Variants in BDNF observed in about 807,000 individuals in gnomAD.
BDNF encodes the protein neurotrophic factor BDNF precursor form.
Under a neutral mutation model 19.5 loss-of-function variants are expected in BDNF, and 1 was observed. That is an observed-to-expected ratio of 0.05 (90% CI 0.02 to 0.24). The LOEUF is 0.24. Ranked by LOEUF, BDNF falls within the 10% of genes least tolerant of loss-of-function variation. The pLI, the probability that BDNF is intolerant of heterozygous loss-of-function variation, is 1.00. For synonymous variants in BDNF, 100 were observed against 121.6 expected, an observed-to-expected ratio of 0.82 and a Z score of 1.17; for missense variants, 195 against 317.6, an observed-to-expected ratio of 0.61 and a Z score of 2.93.
At chr11:27,696,015 TC>T (rs1858950095) in intron 1 of BDNF, among the ~76,000 whole-genome samples, 1 of 152,034 alleles carries the variant, frequency 6.6e-6, no homozygotes, top group African/African-American at 2.4e-5. Context: ...CCCCCTCCTC[TC>T]CCCTGCAAAA....
At chr11:27,699,460 G>A (rs1564988118) in intron 1 of BDNF, 5 of 1,613,974 alleles carry the variant, frequency 3.1e-6, no homozygotes, top group Non-Finnish European at 3.4e-6. Flanking sequence ...ACCACTCCCC[G>A]AAAGTCAAAA....
At chr11:27,695,908 T>A (rs1858932929) in intron 1 of BDNF, among the ~76,000 whole-genome samples, 1 of 152,094 alleles carries the variant, frequency 6.6e-6, no homozygotes. Context: ...TTAATTTAAA[T>A]GAAAGCTTCC....
intron 1 of BDNF, chr11:27,720,464 G>C: frequency 2.0e-6 from 2 of 985,778 alleles, no homozygotes; most frequent in Non-Finnish European, 2.4e-6. Context: ...AGCCTACACC[G>C]CTAGGAAGCC....
chr11:27,669,934 A>G (rs1210339188), intron 1 of BDNF, among the ~76,000 whole-genome samples: 1 of 152,266 alleles, frequency 6.6e-6, no homozygotes, highest in Admixed American at 6.5e-5. Flanking sequence ...GAACCAAAAA[A>G]GAGCCCGCAT....
intron 1 of BDNF, among the ~76,000 whole-genome samples, chr11:27,672,004 C>T (rs1855461840): frequency 6.6e-6 from 1 of 152,196 alleles, no homozygotes; most frequent in African/African-American, 2.4e-5. Context: ...TACCTGTCAT[C>T]TTTCCTCTTT....
At chr11:27,669,036 C>A (rs967486906) in intron 1 of BDNF, among the ~76,000 whole-genome samples, 2 of 152,166 alleles carry the variant, frequency 1.3e-5, no homozygotes, top group African/African-American at 4.8e-5. Context: ...CCGAATCCAG[C>A]AGAACATCAA....
chr11:27,719,053 G>T (rs1175163668), intron 1 of BDNF, among the ~76,000 whole-genome samples: 2 of 152,148 alleles, frequency 1.3e-5, no homozygotes, highest in African/African-American at 4.8e-5. Context: ...CCCCGCCCAG[G>T]GGCGCCTAAG....
chr11:27,661,430 T>A (rs1320186959), intron 1 of BDNF, among the ~76,000 whole-genome samples: 1 of 152,230 alleles, frequency 6.6e-6, no homozygotes, highest in Non-Finnish European at 1.5e-5. Flanking sequence ...TCAGTAAAGA[T>A]GTCCTGTTAA....
At chr11:27,678,130 T>A (rs1856418574) in intron 1 of BDNF, among the ~76,000 whole-genome samples, 2 of 152,182 alleles carry the variant, frequency 1.3e-5, no homozygotes, top group Non-Finnish European at 2.9e-5. Context: ...TTAGACAAAT[T>A]CATGGGTGAT....
At chr11:27,700,591 G>A, upstream of BDNF, 1 of 959,798 alleles carries the variant, frequency 1.0e-6, no homozygotes, top group Non-Finnish European at 1.2e-6. Context: ...CGAGGCGGCC[G>A]CTTAAAGGGA....
chr11:27,690,485 T>A (rs1173065000), intron 1 of BDNF, among the ~76,000 whole-genome samples: 3 of 152,134 alleles, frequency 2.0e-5, no homozygotes, highest in Non-Finnish European at 4.4e-5. Flanking sequence ...TGCTTCCATG[T>A]TGTATAGCAA....
chr11:27,674,811 C>T (rs2133919658), intron 1 of BDNF: 1 of 949,476 alleles, frequency 1.1e-6, no homozygotes, highest in East Asian at 1.2e-4. Flanking sequence ...TCCATTTTTA[C>T]ATAGTTGCTA....
intron 1 of BDNF, among the ~76,000 whole-genome samples, chr11:27,695,301 T>C (rs72881244): frequency 0.031 from 4,790 of 152,324 alleles, 159 homozygotes; most frequent in African/African-American, 0.08. Context: ...TTATACAAGC[T>C]AGTTGTAATT....
At chr11:27,685,744 T>C (rs999215982) in intron 1 of BDNF, among the ~76,000 whole-genome samples, 1 of 152,118 alleles carries the variant, frequency 6.6e-6, no homozygotes, top group African/African-American at 2.4e-5. Flanking sequence ...TCTAATTTAA[T>C]TGCACTTTGG....
Position 27,657,775 on chromosome 11 carries a change from G to T in BDNF, c.*46C>A. On this transcript the variant is annotated 3_prime_UTR_variant, in exon 2 of 2. Transcript: ENST00000356660. This position sits in a 1 kb window ranked among gnomAD's most constrained non-coding sequence, Gnocchi z 5.0. The stretch of plus-strand genomic sequence containing the variant: ...ACCCTGTTATGTATATATACAAATA[G>T]ATAATTTTTGTCTCAATATAATCTA... The T allele has an allele frequency of 6.2e-7, 1 of 1,602,862 alleles. No homozygotes were observed. Among genetic ancestry groups the T allele is most frequent in the South Asian group, 1.1e-5 (1 of 90,596 alleles).
intron 1 of BDNF, chr11:27,675,799 G>A (rs967582454): frequency 6.6e-6 from 1 of 151,830 alleles, no homozygotes; most frequent in African/African-American, 2.4e-5. Flanking sequence ...CATGGATAGA[G>A]CATCAGACAC....
chr11:27,666,469 A>G (rs1023242534), intron 1 of BDNF, among the ~76,000 whole-genome samples: 1 of 152,196 alleles, frequency 6.6e-6, no homozygotes, highest in African/African-American at 2.4e-5. Flanking sequence ...AGTAATAACA[A>G]ACTCCTCCGA....
At chr11:27,700,679 C>T (rs1046208380), upstream of BDNF, 40 of 1,132,472 alleles carry the variant, frequency 3.5e-5, no homozygotes, top group Admixed American at 8.8e-4. Context: ...TCCTCACCTC[C>T]TCCCCTAGGG....
chr11:27,661,773 CAG>C (rs1190617995), intron 1 of BDNF, among the ~76,000 whole-genome samples: 2 of 152,198 alleles, frequency 1.3e-5, no homozygotes, highest in African/African-American at 4.8e-5. Flanking sequence ...CCGATCAGGA[CAG>C]AGTCCTTGGA....
Sources: allele counts gnomAD v4.1 joint callset (sites outside exome capture counted in the v4.1 genomes callset), GRCh38; gene constraint gnomAD v4.1.1; non-coding constraint Gnocchi (gnomAD v3.1); transcripts MANE v1.5; gene names NCBI Gene and HGNC (gene_info 2026-07-23, HGNC 2026-07-21).